Variants in CRACDL observed in about 807,000 individuals in gnomAD.
CRACDL encodes the protein CRACD like, also known as CRACD-like protein.
Under a neutral mutation model 70.6 loss-of-function variants are expected in CRACDL, and 26 were observed. That is an observed-to-expected ratio of 0.37 (90% confidence interval 0.27 to 0.51). CRACDL has a LOEUF of 0.51. Among genes scored for constraint, CRACDL ranks in the 20% least tolerant of loss-of-function variants. The probability of loss-of-function intolerance (pLI) is 0.94; values close to 1 mark genes in which losing one functional copy is unlikely to be tolerated. For synonymous variants in CRACDL, 618 were observed against 615.2 expected (o/e 1.00, Z -0.07); for missense variants, 1,283 against 1,376.9 (o/e 0.93, Z 1.08).
Position 98,822,019 on chromosome 2 carries a change from G to A in CRACDL, c.2254C>T (p.Pro752Ser), listed in dbSNP as rs553088757. 7 of 1,539,492 alleles carry A rather than the reference G, an allele frequency of 4.5e-6. No homozygotes were observed. Among genetic ancestry groups the A allele is most frequent in the Non-Finnish European group, 4.4e-6 (5 of 1,141,990 alleles). ...GGCTTGGAGCTGAGCGGCTCGGGGG[G>A]CCGGGCCTTCCCCTTTCCTTGGTCG... ...PSDQGKGKAR[P>S]PEPLSSKPPL... Residue 752 changes from proline to serine, a missense_variant, in exon 7 of 10, where the codon CCC becomes TCC. This residue lies in a region of CRACDL where 921 missense variants were observed against 881.9 expected (regional missense o/e 1.04). Coordinates refer to ENST00000397899, the MANE Select transcript of CRACDL (RefSeq NM_207362.3). This position sits in a 1 kb window ranked among gnomAD's most constrained non-coding sequence, Gnocchi z 4.9.
chr2:98,799,105 G>A (rs1416974807), intron 7 of CRACDL, among the ~76,000 whole-genome samples: 1 of 152,074 alleles, frequency 6.6e-6, no homozygotes, highest in Non-Finnish European at 1.5e-5. Context: ...CAACCACCTG[G>A]CACCTCTCCT....
intron 1 of CRACDL, among the ~76,000 whole-genome samples, chr2:98,907,285 T>C (rs1573182862): frequency 6.6e-6 from 1 of 152,068 alleles, no homozygotes. Context: ...ACAGTGAAAC[T>C]CCATCTCAGG....
chr2:98,889,267 A>G (rs1216119828), intron 1 of CRACDL, among the ~76,000 whole-genome samples: 1 of 149,312 alleles, frequency 6.7e-6, no homozygotes, highest in Non-Finnish European at 1.5e-5. Context: ...AAAAGAAAGA[A>G]AGAAACAGAA....
At position 98,794,748 on chromosome 2, in the gene CRACDL, C is replaced by T. The variant is rs575641440; in HGVS notation, c.2750-77G>A. Reference sequence around the variant, plus strand: ...TTTCCCTTAAGCCTCTTGTGTTTCTCGAACTAGACATCGAGGTCTTAACTG... The same window carrying T: ...TTTCCCTTAAGCCTCTTGTGTTTCTTGAACTAGACATCGAGGTCTTAACTG... On this transcript the variant is annotated intron_variant, in intron 9 of 9. Transcript: ENST00000397899. The T allele has an allele frequency of 4.2e-5, 53 of 1,267,034 alleles. No individual in the cohort carries two copies. The South Asian group carries it at 4.9e-4, about 12-fold the overall frequency. 78.5% of individuals were successfully genotyped at this position (1,267,034 alleles called of 1,614,324 possible).
At chr2:98,898,151 G>A (rs759399429) in intron 1 of CRACDL, among the ~76,000 whole-genome samples, 4 of 152,234 alleles carry the variant, frequency 2.6e-5, no homozygotes, top group Admixed American at 6.5e-5. Flanking sequence ...GATGAAATCC[G>A]CTGAAGGAAA....
intron 1 of CRACDL, among the ~76,000 whole-genome samples, chr2:98,875,890 G>A (rs2104606254): frequency 6.6e-6 from 1 of 152,362 alleles, no homozygotes; most frequent in South Asian, 2.1e-4. Context: ...AGAGGCCACA[G>A]ATGCCAACGA....
At chr2:98,882,888 C>T (rs1001224177) in intron 1 of CRACDL, among the ~76,000 whole-genome samples, 5 of 152,198 alleles carry the variant, frequency 3.3e-5, no homozygotes, top group African/African-American at 1.2e-4. Flanking sequence ...GAAGCAGCAT[C>T]TGTTTGTTGT....
At chr2:98,924,320 C>T (rs1708866144) in intron 1 of CRACDL, among the ~76,000 whole-genome samples, 1 of 152,204 alleles carries the variant, frequency 6.6e-6, no homozygotes, top group Non-Finnish European at 1.5e-5. Flanking sequence ...TCCCTCTCTG[C>T]CCCACCTTGG....
chr2:98,823,521 G>A lies in CRACDL; in HGVS notation c.752C>T (p.Ser251Phe), dbSNP rs1217594122. 1 of 1,587,078 alleles carries A rather than the reference G, an allele frequency of 6.3e-7. No individual in the cohort carries two copies. The highest frequency in any genetic ancestry group is 1.3e-5 in the African/African-American group (1 of 74,522). Residue 251 changes from serine to phenylalanine, a missense_variant, in exon 7 of 10, where the codon TCC (serine) becomes TTC (phenylalanine). Coordinates refer to ENST00000397899, the MANE Select transcript of CRACDL (RefSeq NM_207362.3). This position sits in a 1 kb window ranked among gnomAD's most constrained non-coding sequence, Gnocchi z 4.0. ...TGGGGTGCACGTCAGGTCGCTCAGG[G>A]ATTCAGACTGAGCGCGCTGAGAGAA... is the stretch of plus-strand genomic sequence containing the variant. ...RRLSSRAQSE[S>F]LSDLTCTPEE... is the part of the protein sequence containing the mutation.
intron 1 of CRACDL, among the ~76,000 whole-genome samples, chr2:98,881,247 A>G (rs12712038): frequency 0.53 from 80,096 of 152,076 alleles, 22,837 homozygotes; most frequent in African/African-American, 0.74. Flanking sequence ...GAACGCTGGT[A>G]CCCCTGCCCC....
At chr2:98,928,902 T>C (rs905171843) in intron 1 of CRACDL, among the ~76,000 whole-genome samples, 2 of 152,152 alleles carry the variant, frequency 1.3e-5, no homozygotes, top group African/African-American at 4.8e-5. Flanking sequence ...CAAAACTACA[T>C]GGAATTCGGT....
intron 7 of CRACDL, among the ~76,000 whole-genome samples, chr2:98,816,818 A>G (rs1187527925): frequency 6.6e-6 from 1 of 152,204 alleles, no homozygotes; most frequent in Admixed American, 6.5e-5. Context: ...ATGTGAGCAA[A>G]GTTGGTTTTC....
chr2:98,929,503 C>T (rs1709018089), intron 1 of CRACDL, among the ~76,000 whole-genome samples: 1 of 152,170 alleles, frequency 6.6e-6, no homozygotes, highest in Non-Finnish European at 1.5e-5. Flanking sequence ...TGTCTCTGTC[C>T]TGAGGAGCCA....
intron 1 of CRACDL, among the ~76,000 whole-genome samples, chr2:98,855,834 A>G (rs1301820695): frequency 1.3e-5 from 2 of 152,248 alleles, no homozygotes; most frequent in Non-Finnish European, 2.9e-5. Context: ...GTTGAAAAGT[A>G]CAATAAGTGA....
At chr2:98,833,318 G>T (rs78883785) in intron 3 of CRACDL, among the ~76,000 whole-genome samples, 12,790 of 152,292 alleles carry the variant, frequency 0.084, 646 homozygotes, top group South Asian at 0.2. Flanking sequence ...GGGCTGGCAC[G>T]GCCAGCTTCT....
At chr2:98,918,786 T>C (rs74352615) in intron 1 of CRACDL, among the ~76,000 whole-genome samples, 1,524 of 152,276 alleles carry the variant, frequency 0.01, 31 homozygotes, top group East Asian at 0.075. Flanking sequence ...AATGGGATTT[T>C]GTGTGGGTTT....
Position 98,823,395 on chromosome 2 carries a change from G to A in CRACDL, c.878C>T (p.Pro293Leu), listed in dbSNP as rs1336031118. 6.5e-7 allele frequency: 1 copy of A among 1,549,940 alleles called. No homozygotes were observed. Among genetic ancestry groups the A allele is most frequent in the South Asian group, 1.2e-5 (1 of 85,348 alleles). ...TGGCGGCAAGGGCGCCGGTGGCCCA[G>A]GCTCAGGGCCTCTGTCTGGCGCCAC... is the stretch of plus-strand genomic sequence containing the variant. ...QDVAPDRGPE[P>L]GPPAPLPPPG... The change falls in exon 7 of 10, where the codon CCT becomes CTT. Residue 293 changes from proline (P) to leucine (L), a missense_variant. This residue lies in a region of CRACDL where 362 missense variants were observed against 495.0 expected (regional missense o/e 0.73). Transcript: ENST00000397899. This position sits in a 1 kb window ranked among gnomAD's most constrained non-coding sequence, Gnocchi z 4.0.
Position 98,823,193 on chromosome 2 carries a change from G to T in CRACDL, c.1080C>A (p.Gly360=). 4.1e-6 allele frequency: 6 copies of T among 1,464,952 alleles called. No homozygotes were observed. The highest frequency in any genetic ancestry group is 4.8e-5 in the Admixed American group (2 of 41,268). 90.7% of individuals were successfully genotyped at this position (1,464,952 alleles called of 1,614,324 possible). ...LRVEPPSPPE[G]PPNPGPDGGK... ...CGCCGTCGGGACCGGGATTCGGGGG[G>T]CCCTCCGGCGGGGACGGGGGCTCCA... Residue 360 remains glycine, a synonymous_variant, in exon 7 of 10, where the codon GGC becomes GGA. Coordinates refer to ENST00000397899, the MANE Select transcript of CRACDL (RefSeq NM_207362.3). The surrounding 1 kb of genome is among the most constrained non-coding windows in gnomAD (Gnocchi z 4.0).
chr2:98,854,827 C>A (rs911182744), intron 1 of CRACDL, among the ~76,000 whole-genome samples: 21 of 152,070 alleles, frequency 1.4e-4, no homozygotes, highest in Non-Finnish European at 2.8e-4. Flanking sequence ...GCCAAGAAAC[C>A]ATTTCAGAAT....
Sources: gnomAD v4.1 joint callset for allele counts (sites outside exome capture counted in the v4.1 genomes callset) on GRCh38, gnomAD v4.1.1 for gene constraint, gnomAD v4.1.1 regional missense constraint, Gnocchi (gnomAD v3.1) non-coding constraint, MANE v1.5 for transcripts, NCBI Gene and HGNC (gene_info 2026-07-23, HGNC 2026-07-21) for gene names.